POFUT3: variants seen among roughly 807,000 people sequenced by gnomAD.
POFUT3 encodes GDP-fucose protein O-fucosyltransferase 3.
chr8:33,405,176 T>A, the POFUT3 span, among the ~76,000 whole-genome samples: 2 of 151,950 alleles, frequency 1.3e-5, no homozygotes, highest in African/African-American at 4.8e-5. Flanking sequence ...TCTTTCATCT[T>A]GGCCCACAAA....
the POFUT3 span, among the ~76,000 whole-genome samples, chr8:33,413,136 C>T: frequency 6.6e-6 from 1 of 152,104 alleles, no homozygotes; most frequent in Admixed American, 6.5e-5. Context: ...TTTTCAAAAA[C>T]AAAAACAAGT....
chr8:33,399,897 G>A, the POFUT3 span, among the ~76,000 whole-genome samples: 12 of 151,824 alleles, frequency 7.9e-5, no homozygotes, highest in Middle Eastern at 3.4e-3. Context: ...CAGGCGATCC[G>A]CCCATCTCGG....
At chr8:33,444,993 G>A in the POFUT3 span, among the ~76,000 whole-genome samples, 1 of 136,448 alleles carries the variant, frequency 7.3e-6, no homozygotes, top group Non-Finnish European at 1.5e-5. Flanking sequence ...GGGTGCAATA[G>A]TGCAATCTCG....
the POFUT3 span, among the ~76,000 whole-genome samples, chr8:33,448,837 G>A: frequency 6.6e-6 from 1 of 151,948 alleles, no homozygotes; most frequent in Non-Finnish European, 1.5e-5. Context: ...AGGAGACTGA[G>A]GCAGGAGAAT....
chr8:33,409,037 T>G, the POFUT3 span, among the ~76,000 whole-genome samples: 3 of 152,182 alleles, frequency 2.0e-5, no homozygotes, highest in African/African-American at 7.2e-5. Flanking sequence ...GGGATGTCGT[T>G]GGTGGGATTT....
the POFUT3 span, among the ~76,000 whole-genome samples, chr8:33,380,074 T>C: frequency 8.9e-4 from 45 of 50,334 alleles, 6 homozygotes; most frequent in East Asian, 0.042. Flanking sequence ...ACTATATATA[T>C]ACACTATATA....
the POFUT3 span, among the ~76,000 whole-genome samples, chr8:33,357,875 T>C: frequency 6.6e-6 from 1 of 152,186 alleles, no homozygotes. Flanking sequence ...GTTCTAATAC[T>C]GTTGAACCTC....
At chr8:33,412,654 G>T in the POFUT3 span, among the ~76,000 whole-genome samples, 1 of 152,158 alleles carries the variant, frequency 6.6e-6, no homozygotes, top group Non-Finnish European at 1.5e-5. Flanking sequence ...TTGAGACAGA[G>T]TCTCACTCTG....
At chr8:33,357,305 T>C in the POFUT3 span, among the ~76,000 whole-genome samples, 1 of 151,962 alleles carries the variant, frequency 6.6e-6, no homozygotes, top group Non-Finnish European at 1.5e-5. Flanking sequence ...TACCCACATT[T>C]ATTTTAATAT....
At chr8:33,395,344 G>C in the POFUT3 span, among the ~76,000 whole-genome samples, 1 of 152,174 alleles carries the variant, frequency 6.6e-6, no homozygotes, top group Non-Finnish European at 1.5e-5. Context: ...AAGCAGAAGA[G>C]AAGGAGCATC....
At chr8:33,459,894 A>G in the POFUT3 span, among the ~76,000 whole-genome samples, 9 of 152,186 alleles carry the variant, frequency 5.9e-5, no homozygotes, top group African/African-American at 2.2e-4. Flanking sequence ...CCCCGTCTCC[A>G]CAAAAAAATA....
chr8:33,339,290 TA>T, the POFUT3 span, among the ~76,000 whole-genome samples: 1 of 151,998 alleles, frequency 6.6e-6, no homozygotes, highest in Non-Finnish European at 1.5e-5. Context: ...ACCGTGAGTA[TA>T]AAAAGCTCAT....
At chr8:33,339,302 T>C in the POFUT3 span, among the ~76,000 whole-genome samples, 1 of 152,170 alleles carries the variant, frequency 6.6e-6, no homozygotes, top group Non-Finnish European at 1.5e-5. Context: ...AAAAGCTCAT[T>C]GAGTAGGCTA....
At chr8:33,468,600 A>C in the POFUT3 span, among the ~76,000 whole-genome samples, 5 of 152,250 alleles carry the variant, frequency 3.3e-5, no homozygotes, top group Non-Finnish European at 7.3e-5. Flanking sequence ...TAGGCTGAGG[A>C]GATGCCTAAA....
At chr8:33,318,417 C>T in the POFUT3 span, among the ~76,000 whole-genome samples, 8 of 144,916 alleles carry the variant, frequency 5.5e-5, no homozygotes, top group African/African-American at 2.0e-4. Context: ...TTTATGCACA[C>T]ATACACACAT....
At chr8:33,441,312 C>T in the POFUT3 span, among the ~76,000 whole-genome samples, 2 of 126,682 alleles carry the variant, frequency 1.6e-5, no homozygotes, top group East Asian at 2.3e-4. Flanking sequence ...GCCTGGACAA[C>T]AGAGCAAGAC....
chr8:33,407,987 C>CA, the POFUT3 span, among the ~76,000 whole-genome samples: 857 of 83,364 alleles, frequency 0.01, 9 homozygotes, highest in African/African-American at 0.027. Flanking sequence ...GACTCCATCT[C>CA]AAAAAAAAAA....
the POFUT3 span, among the ~76,000 whole-genome samples, chr8:33,446,400 T>C: frequency 1.3e-4 from 19 of 149,510 alleles, no homozygotes; most frequent in Admixed American, 1.1e-3. Context: ...GCAGTTGCAA[T>C]GAGTCGATAT....
chr8:33,328,446 C>T, the POFUT3 span, among the ~76,000 whole-genome samples: 1 of 151,818 alleles, frequency 6.6e-6, no homozygotes, highest in African/African-American at 2.4e-5. Flanking sequence ...GAAAGGAAAA[C>T]AGGTGGAAAA....
Sources: gnomAD v4.1 joint callset for allele counts (sites outside exome capture counted in the v4.1 genomes callset) on GRCh38, gnomAD v4.1.1 for gene constraint, MANE v1.5 for transcripts, NCBI Gene and HGNC (gene_info 2026-07-23, HGNC 2026-07-21) for gene names.